FAM184B: variants seen among roughly 807,000 people sequenced by gnomAD.
FAM184B encodes the protein protein FAM184B.
FAM184B carries 111 observed loss-of-function variants against 135.9 expected under a neutral mutation model. The observed-to-expected ratio is 0.82, with a 90% CI of 0.70 to 0.96. The LOEUF (loss-of-function observed/expected upper bound fraction) is 0.96, where lower values mean the gene tolerates loss of function less well. Ranked by LOEUF, FAM184B falls within the 40% of genes least tolerant of loss-of-function variation. The pLI, the probability that FAM184B is intolerant of heterozygous loss-of-function variation, is 0.00. For synonymous variants in FAM184B, 552 were observed against 524.8 expected (o/e 1.05, Z -0.71); for missense variants, 1,375 against 1,323.9 (o/e 1.04, Z -0.60).
Position 17,766,001 on chromosome 4 carries a change from C to G in FAM184B, c.141+15158G>C, listed in dbSNP as rs370236499. Reference sequence around the variant, plus strand: ...TCCCCCCGGCAGGTTCATGATCTAACTGGCTTCAACAGTGAAGCTGCAGAC... The same window carrying G: ...TCCCCCCGGCAGGTTCATGATCTAAGTGGCTTCAACAGTGAAGCTGCAGAC... On this transcript the variant is annotated intron_variant, in intron 1 of 17. Transcript: ENST00000265018. Among the ~76,000 whole-genome samples the G allele has an allele frequency of 1.5e-4, 23 of 152,306 alleles. No homozygotes were observed. In the South Asian group the frequency reaches 3.1e-3, roughly 21 times the overall value.
rs149473663 is a variant in FAM184B, at chr4:17,736,019, T to C, written c.142-26375A>G. Among the ~76,000 whole-genome samples the C allele has an allele frequency of 6.2e-3, 947 of 152,306 alleles. 7 individuals are homozygous for C. Among genetic ancestry groups the C allele is most frequent in the African/African-American group, 0.022 (913 of 41,546 alleles). ...ATGGTGGTGATGATCTTGATAACAG[T>C]GTTAATGATTATATCAGAAACTAGT... On this transcript the variant is annotated intron_variant, in intron 1 of 17. Transcript: ENST00000265018.
rs1469869262 is a variant in FAM184B at position 17,684,138 on chromosome 4, T to C, written c.1596+4286A>G. Among the ~76,000 whole-genome samples, 9 of 119,298 alleles carry C rather than the reference T, an allele frequency of 7.5e-5. No individual in the cohort carries two copies. The East Asian group carries it at 1.2e-3, about 15-fold the overall frequency. The allele number at this position is 119,298 out of a possible 152,430, so 78.3% of individuals were successfully genotyped here. A position where few individuals can be genotyped will look rare whatever the true frequency, so the allele number is the denominator to read the frequency against. ...AATAATTATATATAAAATAATTATA[T>C]ATAAAATAATTATATAATAAAATAT... is the stretch of plus-strand genomic sequence containing the variant. On this transcript the variant is annotated intron_variant, in intron 7 of 17. Coordinates refer to ENST00000265018, the MANE Select transcript of FAM184B (RefSeq NM_015688.2).
intron 1 of FAM184B, among the ~76,000 whole-genome samples, chr4:17,742,550 CT>C (rs1440811155): frequency 6.6e-6 from 1 of 152,204 alleles, no homozygotes; most frequent in Non-Finnish European, 1.5e-5. Context: ...CGCCCTGCCC[CT>C]ATCCTGTGCC....
intron 10 of FAM184B, among the ~76,000 whole-genome samples, chr4:17,655,520 T>G (rs1715761720): frequency 6.6e-6 from 1 of 152,158 alleles, no homozygotes; most frequent in Admixed American, 6.5e-5. Context: ...GTGGCCAGTT[T>G]GGGGCCTCCT....
At chr4:17,688,833 A>G (rs745854318) in intron 6 of FAM184B, among the ~76,000 whole-genome samples, 6 of 152,006 alleles carry the variant, frequency 3.9e-5, no homozygotes, top group African/African-American at 1.4e-4. Context: ...CTGGGACTAC[A>G]GGTATGCACC....
chr4:17,639,440 A>T, intron 13 of FAM184B, 44 bp from the exon 14 acceptor site: 2 of 1,546,972 alleles, frequency 1.3e-6, no homozygotes, highest in Admixed American at 3.9e-5. Context: ...AGCTCCAGGG[A>T]TGGCACCCCT....
At chr4:17,636,112 A>G (rs1355586914) in intron 15 of FAM184B, among the ~76,000 whole-genome samples, 1 of 152,104 alleles carries the variant, frequency 6.6e-6, no homozygotes, top group Non-Finnish European at 1.5e-5. Flanking sequence ...TAGAAAAGAA[A>G]GGAGTTTTTC....
intron 12 of FAM184B, among the ~76,000 whole-genome samples, chr4:17,644,292 C>T (rs11737813): frequency 0.62 from 94,740 of 152,052 alleles, 29,950 homozygotes; most frequent in East Asian, 0.89. Context: ...AAAAAGAGAA[C>T]TTTAGACCAA....
intron 5 of FAM184B, among the ~76,000 whole-genome samples, 191 bp downstream of exon 5, chr4:17,704,809 A>G (rs1717069188): frequency 6.6e-6 from 1 of 152,236 alleles, no homozygotes; most frequent in Admixed American, 6.5e-5. Context: ...CCTTTGGAGA[A>G]GGCATAAGGA....
At chr4:17,636,067 TATTA>T (rs1478290969) in intron 15 of FAM184B, among the ~76,000 whole-genome samples, 1 of 152,050 alleles carries the variant, frequency 6.6e-6, no homozygotes, top group Admixed American at 6.6e-5. Flanking sequence ...TATTTTCCTG[TATTA>T]ATTTTTTAGT....
intron 5 of FAM184B, among the ~76,000 whole-genome samples, chr4:17,695,498 T>C (rs1362427548): frequency 1.3e-5 from 2 of 152,020 alleles, no homozygotes; most frequent in Non-Finnish European, 2.9e-5. Flanking sequence ...TACAGACTGA[T>C]GTGGGTGGAG....
chr4:17,756,950 G>C (rs988399173), intron 1 of FAM184B, among the ~76,000 whole-genome samples: 1 of 152,094 alleles, frequency 6.6e-6, no homozygotes, highest in East Asian at 1.9e-4. Flanking sequence ...AGATGGAATG[G>C]AATTAGGAAG....
intron 1 of FAM184B, among the ~76,000 whole-genome samples, chr4:17,754,387 A>T (rs1423088991): frequency 6.6e-6 from 1 of 152,036 alleles, no homozygotes; most frequent in African/African-American, 2.4e-5. Flanking sequence ...CCCCGTCTCT[A>T]CTAAAAATAC....
rs1285061690 is a variant in FAM184B at position 17,652,850 on chromosome 4, G to A, written c.2171C>T (p.Ala724Val). Reference sequence around the variant, plus strand: ...TATACCTAGCAGCAGGGCCTGCTGTGCCTGCATCCTCTCACGCTCCTCCTG... The same window carrying A: ...TATACCTAGCAGCAGGGCCTGCTGTACCTGCATCCTCTCACGCTCCTCCTG... Reference protein sequence around the residue: ...ELQEERERMQAQQALLLESLR... With the variant: ...ELQEERERMQVQQALLLESLR... The change falls in exon 11 of 18, where the codon GCA becomes GTA. Residue 724 changes from alanine (A) to valine (V), a missense_variant. By Grantham distance (64) the Ala-to-Val change is moderately conservative. Coordinates refer to ENST00000265018, the MANE Select transcript of FAM184B (RefSeq NM_015688.2). 1 of 1,551,370 alleles carries A rather than the reference G, an allele frequency of 6.4e-7. No individual in the cohort carries two copies. The highest frequency in any genetic ancestry group is 8.7e-7 in the Non-Finnish European group (1 of 1,146,974).
At chr4:17,748,809 G>A (rs997865269) in intron 1 of FAM184B, among the ~76,000 whole-genome samples, 1 of 151,828 alleles carries the variant, frequency 6.6e-6, no homozygotes, top group East Asian at 1.9e-4. Flanking sequence ...GAGCCACTGT[G>A]CCTGGCCTTC....
At chr4:17,772,303 C>T (rs1437174295) in intron 1 of FAM184B, among the ~76,000 whole-genome samples, 2 of 151,952 alleles carry the variant, frequency 1.3e-5, no homozygotes, top group African/African-American at 4.8e-5. Flanking sequence ...AATCCTATAC[C>T]CATCACCTCC....
intron 1 of FAM184B, among the ~76,000 whole-genome samples, chr4:17,772,913 A>G (rs1324228794): frequency 6.6e-6 from 1 of 152,224 alleles, no homozygotes; most frequent in African/African-American, 2.4e-5. Flanking sequence ...GCAAGAAGGG[A>G]GGAAGAGGCA....
At chr4:17,706,480 C>T (rs1459316118) in intron 3 of FAM184B, among the ~76,000 whole-genome samples, 1 of 152,170 alleles carries the variant, frequency 6.6e-6, no homozygotes. Flanking sequence ...TCCCTGAAGG[C>T]AGCTCCCAGG....
rs1715298093 is a variant in FAM184B at position 17,641,119 on chromosome 4, A to C, written c.2519+937T>G. On this transcript the variant is annotated intron_variant, in intron 13 of 17. Transcript: ENST00000265018. ...TGGCCAATTTTTCTATTTTTAGTAG[A>C]GACGGGGTTTCACTATGTTGCCCAG... Among the ~76,000 whole-genome samples the C allele has an allele frequency of 5.9e-5, 9 of 152,168 alleles. No homozygotes were observed. In the South Asian group the frequency reaches 1.9e-3, roughly 32 times the overall value.
Sources: gnomAD v4.1 joint callset for allele counts (sites outside exome capture counted in the v4.1 genomes callset) on GRCh38, gnomAD v4.1.1 for gene constraint, MANE v1.5 for transcripts, NCBI Gene and HGNC (gene_info 2026-07-23, HGNC 2026-07-21) for gene names.